The following MSL3 variants were observed in gnomAD, a reference collection of about 807,000 sequenced individuals.
The protein encoded by MSL3 is MSL3-like 1.
Under a neutral mutation model 37.2 loss-of-function variants are expected in MSL3, and 5 were observed. That is an observed-to-expected ratio of 0.13 (90% confidence interval 0.07 to 0.28). MSL3 has a LOEUF of 0.28. Among genes scored for constraint, MSL3 ranks in the 10% least tolerant of loss-of-function variants. MSL3 has a pLI of 1.00. For synonymous variants in MSL3, 149 were observed against 147.6 expected, an observed-to-expected ratio of 1.01 and a Z score of -0.07; for missense variants, 315 against 408.5, an observed-to-expected ratio of 0.77 and a Z score of 1.97.
intron 1 of MSL3, among the ~76,000 whole-genome samples, chrX:11,759,394 A>T (rs1193726776): frequency 9.0e-6 from 1 of 110,922 alleles, no homozygotes; most frequent in East Asian, 2.8e-4. Flanking sequence ...TGTTCCCTCT[A>T]GGGACACAAC....
At chrX:11,762,341 C>A in intron 6 of MSL3, 89 bp downstream of exon 6, 1 of 790,655 alleles carries the variant, frequency 1.3e-6, no homozygotes, top group South Asian at 2.8e-5. Flanking sequence ...AATAGCGAAT[C>A]TTGGTGGAAC....
chrX:11,773,891 G>A (rs1408531539), intron 12 of MSL3, among the ~76,000 whole-genome samples: 3 of 112,336 alleles, frequency 2.7e-5, no homozygotes, highest in African/African-American at 6.5e-5. Flanking sequence ...AAGAAAAAGA[G>A]TTAGCTATCC....
chrX:11,758,445 G>A, intron 1 of MSL3, 80 bp downstream of exon 1: 1 of 931,428 alleles, frequency 1.1e-6, no homozygotes, highest in South Asian at 3.7e-5. Flanking sequence ...GGACGGCCGC[G>A]CGGAGCTGAG....
chrX:11,767,168 A>G lies in MSL3; in HGVS notation c.1172-1405A>G, dbSNP rs1049545942. Reference sequence around the variant, plus strand: ...AGCTCAGTGTTGGTGGCATAGTTCCAGGTGCGTGAAAGTATTTGCTGATTC... The same window carrying G: ...AGCTCAGTGTTGGTGGCATAGTTCCGGGTGCGTGAAAGTATTTGCTGATTC... On this transcript the variant is annotated intron_variant, in intron 9 of 12. Coordinates refer to ENST00000312196, the MANE Select transcript of MSL3 (RefSeq NM_078629.4). 1.6e-5 allele frequency: 12 copies of G among 752,888 alleles called. No individual in the cohort carries two copies. The East Asian group carries it at 1.7e-3, about 104-fold the overall frequency. 62.0% of individuals were successfully genotyped at this position (752,888 alleles called of 1,213,427 possible).
intron 2 of MSL3, 93 bp from the exon 3 acceptor site, chrX:11,760,310 G>A: frequency 1.8e-6 from 1 of 549,955 alleles, no homozygotes; most frequent in Non-Finnish European, 2.9e-6. Context: ...TTCTAAAAAT[G>A]TAATTCTGGG....
At chrX:11,765,991 G>A in intron 9 of MSL3, 1 of 1,004,588 alleles carries the variant, frequency 1.0e-6, no homozygotes, top group Non-Finnish European at 1.3e-6. Flanking sequence ...CCACTTGTGA[G>A]CAAATTGAGT....
At position 11,760,446 on chromosome X, in the gene MSL3, G is replaced by A. The variant is rs1385362989; in HGVS notation, c.229G>A (p.Asp77Asn). Residue 77 changes from aspartate to asparagine, a missense_variant, in exon 3 of 13, where the codon GAT becomes AAT. By Grantham distance (23) the Asp-to-Asn change is conservative (BLOSUM62 1). Transcript: ENST00000312196. ...AAEDHVLRDT[D>N]ENRRLQRKLA... is the part of the protein sequence containing the mutation. ...AGAAGATCATGTGCTTCGTGATACC[G>A]ATGAAAATCGTAGATTACAGCGTAA... 2 of 1,204,149 alleles carry A rather than the reference G, an allele frequency of 1.7e-6. No homozygotes were observed. The highest frequency in any genetic ancestry group is 1.1e-6 in the Non-Finnish European group (1 of 892,434).
chrX:11,758,461 G>T, intron 1 of MSL3, 96 bp downstream of exon 1: 2 of 945,780 alleles, frequency 2.1e-6, no homozygotes, highest in East Asian at 4.4e-5. Flanking sequence ...CTGAGGGACC[G>T]GCCGGGCTCC....
At chrX:11,773,877 A>C (rs771084637) in intron 12 of MSL3, among the ~76,000 whole-genome samples, 1 of 111,666 alleles carries the variant, frequency 9.0e-6, no homozygotes, top group African/African-American at 3.2e-5. Flanking sequence ...GAGTACACTC[A>C]TAGAAGAAAA....
In MSL3 at chrX:11,774,994, A is replaced by G; in HGVS notation, c.1481A>G (p.Tyr494Cys). The G allele has an allele frequency of 8.3e-7, 1 of 1,208,519 alleles. No homozygotes were observed. Among genetic ancestry groups the G allele is most frequent in the East Asian group, 3.0e-5 (1 of 33,816 alleles). Residue 494 changes from tyrosine to cysteine, a missense_variant, in exon 13 of 13, where the codon TAC becomes TGC. Tyr to Cys is a radical substitution (Grantham distance 194). Transcript: ENST00000312196. Reference protein sequence around the residue: ...FDLFLRFLAEYHDDFFPESAY... With the variant: ...FDLFLRFLAECHDDFFPESAY... ...TTTTTTTCCAGGTTTTTAGCAGAATACCACGATGACTTCTTCCCAGAGTCG... is the reference window on the plus strand; with the variant it reads ...TTTTTTTCCAGGTTTTTAGCAGAATGCCACGATGACTTCTTCCCAGAGTCG...
chrX:11,768,073 C>A, intron 9 of MSL3: 1 of 383,200 alleles, frequency 2.6e-6, no homozygotes, highest in Non-Finnish European at 3.3e-6. Context: ...TGGCACTTAA[C>A]AGCTTCATTG....
intron 8 of MSL3, 134 bp downstream of exon 8, chrX:11,764,072 T>C (rs759406065): frequency 1.2e-5 from 7 of 570,817 alleles, no homozygotes; most frequent in African/African-American, 2.3e-5. Context: ...GTGTGTGTCC[T>C]GGTGGTTTTC....
chrX:11,766,411 C>T, intron 9 of MSL3: 1 of 754,187 alleles, frequency 1.3e-6, no homozygotes, highest in Non-Finnish European at 1.6e-6. Flanking sequence ...GAATCAGGTA[C>T]AATTACTGTA....
intron 1 of MSL3, chrX:11,758,793 C>T: frequency 8.6e-7 from 1 of 1,159,063 alleles, no homozygotes; most frequent in African/African-American, 1.8e-5. Flanking sequence ...CATAGTTACA[C>T]GGCGCTGGCC....
At chrX:11,764,108 C>T (rs1007492927) in intron 8 of MSL3, 170 bp downstream of exon 8, 52 of 417,127 alleles carry the variant, frequency 1.2e-4, no homozygotes, top group Non-Finnish European at 1.1e-4. Flanking sequence ...GCTAAGTCAT[C>T]ATTCACTTTC....
chrX:11,764,503 G>A (rs1236834537), intron 8 of MSL3, among the ~76,000 whole-genome samples: 1 of 110,848 alleles, frequency 9.0e-6, no homozygotes, highest in Non-Finnish European at 1.9e-5. Flanking sequence ...AGGGGGCAGG[G>A]AGGGGGATCC....
At chrX:11,770,175 T>C (rs1468051515) in intron 10 of MSL3, among the ~76,000 whole-genome samples, 1 of 112,514 alleles carries the variant, frequency 8.9e-6, no homozygotes, top group Non-Finnish European at 1.9e-5. Context: ...TGATTTTTTT[T>C]CCCCAACCAT....
At chrX:11,767,775 C>G (rs1213755598) in intron 9 of MSL3, 1 of 446,977 alleles carries the variant, frequency 2.2e-6, no homozygotes, top group African/African-American at 2.7e-5. Context: ...TCATTTGCTT[C>G]TCCCTATGTC....
chrX:11,759,880 G>A lies in MSL3; in HGVS notation c.185+5G>A. On this transcript the variant is annotated splice_donor_5th_base_variant and intron_variant, in intron 2 of 12. Coordinates refer to ENST00000312196, the MANE Select transcript of MSL3 (RefSeq NM_078629.4). ...TTTTAATGGTTGGAACAGAAGGTGA[G>A]TGAACTTGTTAAACCAGACTGAAAA... is the stretch of plus-strand genomic sequence containing the variant. 8.3e-7 allele frequency: 1 copy of A among 1,209,328 alleles called. No individual in the cohort carries two copies. The highest frequency in any genetic ancestry group is 1.1e-6 in the Non-Finnish European group (1 of 894,684).
Sources: allele counts gnomAD v4.1 joint callset (sites outside exome capture counted in the v4.1 genomes callset), GRCh38; gene constraint gnomAD v4.1.1; transcripts MANE v1.5; gene names NCBI Gene and HGNC (gene_info 2026-07-23, HGNC 2026-07-21).